The following VCAN variants were observed in gnomAD, a reference collection of about 807,000 sequenced individuals.
The protein encoded by VCAN is versican, also known as versican core protein.
A neutral mutation model predicts 245.5 loss-of-function variants in VCAN; 44 were observed. The ratio of observed to expected loss-of-function variants is 0.18; its 90% CI spans 0.14 to 0.23. VCAN has a LOEUF of 0.23. Among genes scored for constraint, VCAN ranks in the 10% least tolerant of loss-of-function variants. The pLI is 1.00. For missense variants in VCAN, 3,793 were observed against 4,057.9 expected (o/e 0.93, Z 1.77); for synonymous variants, 1,413 against 1,437.0 (o/e 0.98, Z 0.38).
chr5:83,545,621 C>T lies in VCAN; in HGVS notation c.9350C>T (p.Pro3117Leu). The change falls in exon 9 of 15, where the codon CCA (proline) becomes CTA (leucine). Residue 3117 changes from proline to leucine, a missense_variant. Pro to Leu is a moderately conservative substitution (Grantham distance 98). This residue lies in a region of VCAN where 3,182 missense variants were observed against 3,250.3 expected (regional missense o/e 0.98). Transcript: ENST00000265077. ...TETSYVCTCVPGYSGDQCELD... is the reference protein window; with the variant it reads ...TETSYVCTCVLGYSGDQCELD... ...ACTTCCTACGTATGCACCTGTGTGC[C>T]AGGATACAGCGGAGACCAGTGTGAA... 6.2e-7 allele frequency: 1 copy of T among 1,614,104 alleles called. No homozygotes were observed. Among genetic ancestry groups the T allele is most frequent in the Non-Finnish European group, 8.5e-7 (1 of 1,179,992 alleles).
At chr5:83,575,862 A>G (rs139810571) in intron 13 of VCAN, among the ~76,000 whole-genome samples, 19 of 152,274 alleles carry the variant, frequency 1.2e-4, no homozygotes, top group Middle Eastern at 3.4e-3. Context: ...CTACCTCATT[A>G]AAGAAGAAGA....
At chr5:83,492,752 T>C (rs1178719935) in intron 3 of VCAN, among the ~76,000 whole-genome samples, 2 of 152,224 alleles carry the variant, frequency 1.3e-5, no homozygotes, top group Non-Finnish European at 2.9e-5. Context: ...ATAAAAATTA[T>C]ACATGTTATC....
chr5:83,537,774 G>C lies in VCAN; in HGVS notation c.4771G>C (p.Ala1591Pro). The change falls in exon 8 of 15, where the codon GCA (alanine) becomes CCA (proline). Residue 1591 changes from alanine to proline, a missense_variant. Transcript: ENST00000265077. ...TYTPTIVPSS[A>P]SAYVSEEEAV... ...CACTCCCACTATAGTTCCAAGTTCTGCATCAGCATATGTTTCAGAGGAAGA... is the reference window on the plus strand; with the variant it reads ...CACTCCCACTATAGTTCCAAGTTCTCCATCAGCATATGTTTCAGAGGAAGA... The C allele has an allele frequency of 6.2e-7, 1 of 1,613,970 alleles. No homozygotes were observed. Among genetic ancestry groups the C allele is most frequent in the Non-Finnish European group, 8.5e-7 (1 of 1,179,964 alleles).
intron 12 of VCAN, among the ~76,000 whole-genome samples, chr5:83,569,478 G>A (rs1337215617): frequency 6.6e-6 from 1 of 152,050 alleles, no homozygotes; most frequent in Non-Finnish European, 1.5e-5. Context: ...ACAGTAATGA[G>A]CAAAAGAAAC....
At position 83,526,066 on chromosome 5, in the gene VCAN, A is replaced by G. The variant is rs538701523; in HGVS notation, c.4003+3757A>G. Among the ~76,000 whole-genome samples, 64 of 151,424 alleles carry G rather than the reference A, an allele frequency of 4.2e-4. 1 individual carries two copies. The South Asian group carries it at 7.1e-3, about 17-fold the overall frequency. On this transcript the variant is annotated intron_variant, in intron 7 of 14. Coordinates refer to ENST00000265077, the MANE Select transcript of VCAN (RefSeq NM_004385.5). ...GCGATTCTCCTGCCTCAGCCTCCCG[A>G]GTAGCTGGGATTACAGGCGCCTGCC...
intron 12 of VCAN, among the ~76,000 whole-genome samples, chr5:83,556,254 C>T (rs1747662774): frequency 6.6e-6 from 1 of 152,156 alleles, no homozygotes; most frequent in Non-Finnish European, 1.5e-5. Flanking sequence ...GAGCTATTTG[C>T]CTGGAATCAC....
chr5:83,499,178 T>G (rs1195946776), intron 5 of VCAN, among the ~76,000 whole-genome samples: 3 of 152,126 alleles, frequency 2.0e-5, no homozygotes, highest in Admixed American at 2.0e-4. Context: ...CTGAAATTTC[T>G]TGACTCTGAA....
rs755677437 is a variant in VCAN, at chr5:83,520,143, G to C, written c.1837G>C (p.Asp613His). ...STTVSPLIMP[D>H]NNGSSMDDWE... ...AACTGTTTCCCCTTTAATTATGCCTGATAATAATGGATCATCCATGGATGA... is the reference window on the plus strand; with the variant it reads ...AACTGTTTCCCCTTTAATTATGCCTCATAATAATGGATCATCCATGGATGA... Residue 613 changes from aspartate to histidine, a missense_variant, in exon 7 of 15, where the codon GAT becomes CAT. Physicochemically the swap from Asp to His is moderately conservative, Grantham distance 81. Around this residue, in one of 5 missense-constraint regions of VCAN, gnomAD observed 3,182 missense variants for 3,250.3 expected, o/e 0.98. Coordinates refer to ENST00000265077, the MANE Select transcript of VCAN (RefSeq NM_004385.5). The C allele has an allele frequency of 4.3e-6, 7 of 1,614,000 alleles. No homozygotes were observed. The highest frequency in any genetic ancestry group is 5.9e-6 in the Non-Finnish European group (7 of 1,179,964).
intron 13 of VCAN, among the ~76,000 whole-genome samples, chr5:83,579,564 G>A (rs1489321854): frequency 6.6e-6 from 1 of 152,062 alleles, no homozygotes; most frequent in East Asian, 1.9e-4. Flanking sequence ...TGCCTGGCCT[G>A]TAGATTGTAC....
At chr5:83,528,171 G>T (rs1746372839) in intron 7 of VCAN, among the ~76,000 whole-genome samples, 1 of 152,216 alleles carries the variant, frequency 6.6e-6, no homozygotes, top group African/African-American at 2.4e-5. Context: ...TAGTTACACA[G>T]TAGGTGTATG....
intron 13 of VCAN, among the ~76,000 whole-genome samples, chr5:83,573,537 T>A (rs1161366343): frequency 6.6e-6 from 1 of 152,084 alleles, no homozygotes; most frequent in African/African-American, 2.4e-5. Context: ...AAAAATAGAA[T>A]TCTGGAAAAA....
At chr5:83,552,593 ATAT>A (rs777621358) in intron 10 of VCAN, among the ~76,000 whole-genome samples, 23 of 152,306 alleles carry the variant, frequency 1.5e-4, no homozygotes, top group African/African-American at 4.3e-4. Context: ...TATTTGAAAA[ATAT>A]TATTGTCCCA....
intron 12 of VCAN, among the ~76,000 whole-genome samples, chr5:83,560,697 T>A (rs989597211): frequency 6.6e-6 from 1 of 152,184 alleles, no homozygotes; most frequent in Non-Finnish European, 1.5e-5. Context: ...CTGTTCTGTC[T>A]GACAAACCTC....
Position 83,545,537 on chromosome 5 carries a change from G to C in VCAN, c.9266G>C (p.Gly3089Ala). ...TTTCTTACTTTCCTGAATATGGTAG[G>C]ACCTGATCGCTGCAAAATGAACCCG... ...SVEGTAIYLP[G>A]PDRCKMNPCL... Residue 3089 changes from glycine to alanine, a missense_variant and splice_region_variant, in exon 9 of 15, where the codon GGA (glycine) becomes GCA (alanine). Physicochemically the swap from Gly to Ala is moderately conservative, Grantham distance 60 (BLOSUM62 0). Coordinates refer to ENST00000265077, the MANE Select transcript of VCAN (RefSeq NM_004385.5). 6.2e-7 allele frequency: 1 copy of C among 1,613,746 alleles called. No individual in the cohort carries two copies. Among genetic ancestry groups the C allele is most frequent in the Non-Finnish European group, 8.5e-7 (1 of 1,179,674 alleles).
chr5:83,572,378 G>C (rs1318308012), intron 12 of VCAN, 38 bp from the exon 13 acceptor site: 1 of 1,612,208 alleles, frequency 6.2e-7, no homozygotes. Flanking sequence ...GTTACTTTTT[G>C]ACTAGCAAGT....
chr5:83,533,255 T>C (rs948981796), intron 7 of VCAN, among the ~76,000 whole-genome samples: 21 of 152,270 alleles, frequency 1.4e-4, no homozygotes, highest in African/African-American at 4.8e-4. Flanking sequence ...GCAAGTCAGA[T>C]CAAATAGTTG....
rs367873835 is a variant in VCAN, at chr5:83,520,618, C to T, written c.2312C>T (p.Thr771Ile). 1.7e-5 allele frequency: 27 copies of T among 1,613,836 alleles called. No homozygotes were observed. Among genetic ancestry groups the T allele is most frequent in the Non-Finnish European group, 2.3e-5 (27 of 1,179,994 alleles). ...TEVRDMEEDF[T>I]ATPGTTKYDE... ...GTAAGAGATATGGAGGAAGACTTTA[C>T]AGCAACTCCAGGTACTACAAAATAT... is the stretch of plus-strand genomic sequence containing the variant. Residue 771 changes from threonine (T) to isoleucine (I), a missense_variant, in exon 7 of 15, where the codon ACA becomes ATA. Physicochemically the swap from Thr to Ile is moderately conservative, Grantham distance 89. Coordinates refer to ENST00000265077, the MANE Select transcript of VCAN (RefSeq NM_004385.5).
rs537243230 is a variant in VCAN, at chr5:83,564,997, A to G, written c.9736-7419A>G. On this transcript the variant is annotated intron_variant, in intron 12 of 14. Transcript: ENST00000265077. The stretch of plus-strand genomic sequence containing the variant: ...GTGACTGCACCTAAGCTGAAAAATT[A>G]TAGATAATATATGGATAGATAGAGA... 3.9e-5 allele frequency among the ~76,000 whole-genome samples: 6 copies of G among 152,318 alleles called. No individual in the cohort carries two copies. In the South Asian group the frequency reaches 1.0e-3, roughly 26 times the overall value.
intron 12 of VCAN, among the ~76,000 whole-genome samples, chr5:83,558,026 A>G (rs1466534658): frequency 6.6e-6 from 1 of 152,152 alleles, no homozygotes; most frequent in East Asian, 1.9e-4. Flanking sequence ...TTAACTTTGA[A>G]AATACTGGAA....
Sources: gnomAD v4.1 joint callset for allele counts (sites outside exome capture counted in the v4.1 genomes callset) on GRCh38, gnomAD v4.1.1 for gene constraint, gnomAD v4.1.1 regional missense constraint, MANE v1.5 for transcripts, NCBI Gene and HGNC (gene_info 2026-07-23, HGNC 2026-07-21) for gene names.